CTNNA3: variants seen among roughly 807,000 people sequenced by gnomAD.
CTNNA3 encodes the protein catenin alpha 3, also known as catenin alpha-3.
A neutral mutation model predicts 95.7 loss-of-function variants in CTNNA3; 76 were observed. The observed-to-expected ratio is 0.79, with a 90% CI of 0.66 to 0.96. CTNNA3 has a LOEUF of 0.96. Among genes scored for constraint, CTNNA3 ranks in the 40% least tolerant of loss-of-function variants. The pLI is 0.00. For missense variants in CTNNA3, 1,191 were observed against 1,089.8 expected (o/e 1.09, Z -1.31); for synonymous variants, 431 against 374.4 (o/e 1.15, Z -1.74).
chr10:66,827,446 CT>C (rs1842556296), intron 7 of CTNNA3, among the ~76,000 whole-genome samples: 1 of 152,166 alleles, frequency 6.6e-6, no homozygotes. Context: ...ACCAAACACT[CT>C]ACTTCTTCAT....
At chr10:66,711,166 A>G (rs1471286087) in intron 9 of CTNNA3, among the ~76,000 whole-genome samples, 1 of 150,848 alleles carries the variant, frequency 6.6e-6, no homozygotes, top group Non-Finnish European at 1.5e-5. Context: ...TTGTTAGAAC[A>G]TGTATTCTGC....
intron 13 of CTNNA3, among the ~76,000 whole-genome samples, chr10:66,223,604 A>T (rs1272235823): frequency 1.3e-5 from 2 of 152,232 alleles, no homozygotes; most frequent in African/African-American, 4.8e-5. Context: ...AATGGTAATA[A>T]GCACTGATAA....
chr10:66,467,138 T>C (rs1441671077), intron 11 of CTNNA3, among the ~76,000 whole-genome samples: 1 of 152,154 alleles, frequency 6.6e-6, no homozygotes, highest in African/African-American at 2.4e-5. Context: ...ATCAACTCTA[T>C]GTTCCTTTAA....
chr10:67,545,961 CT>C (rs1190975724), intron 3 of CTNNA3, among the ~76,000 whole-genome samples: 5 of 152,052 alleles, frequency 3.3e-5, no homozygotes, highest in African/African-American at 1.2e-4. Context: ...TTATTAATAT[CT>C]TTTTATGAGC....
chr10:67,646,507 A>G (rs560271006), intron 2 of CTNNA3, among the ~76,000 whole-genome samples: 71 of 152,210 alleles, frequency 4.7e-4, no homozygotes, highest in African/African-American at 1.7e-3. Context: ...CAACTTGTAC[A>G]ACATGTACAA....
In CTNNA3 at chr10:66,726,245, A is replaced by G. The variant is rs11818903; in HGVS notation, c.1281+40019T>C. Among the ~76,000 whole-genome samples, 989 of 152,188 alleles carry G rather than the reference A, an allele frequency of 6.5e-3. 10 individuals carry two copies. Among genetic ancestry groups the G allele is most frequent in the African/African-American group, 0.016 (682 of 41,558 alleles). ...GACATGGAAATTTCAGGACACAAAA[A>G]TCAGAGTGGCCAAAGAATTTCATGG... On this transcript the variant is annotated intron_variant, in intron 9 of 17. Coordinates refer to ENST00000433211, the MANE Select transcript of CTNNA3 (RefSeq NM_013266.4).
chr10:66,372,157 T>G (rs75016775), intron 12 of CTNNA3, among the ~76,000 whole-genome samples: 2 of 152,186 alleles, frequency 1.3e-5, no homozygotes, highest in Non-Finnish European at 2.9e-5. Flanking sequence ...TTCTGCCTAA[T>G]TTAGCCATTC....
At chr10:67,270,265 G>A (rs1396507533) in intron 5 of CTNNA3, among the ~76,000 whole-genome samples, 1 of 151,664 alleles carries the variant, frequency 6.6e-6, no homozygotes, top group Non-Finnish European at 1.5e-5. Context: ...TTGACATGTT[G>A]CTCTTTTAAA....
intron 7 of CTNNA3, among the ~76,000 whole-genome samples, chr10:66,814,851 C>CTTTTTT (rs71035183): frequency 8.7e-6 from 1 of 114,982 alleles, no homozygotes; most frequent in African/African-American, 3.2e-5. Context: ...AGTTAGCATT[C>CTTTTTT]TTTTTTTTTT....
At chr10:66,178,440 T>TATAC (rs1554880301) in intron 13 of CTNNA3, among the ~76,000 whole-genome samples, 5,570 of 104,522 alleles carry the variant, frequency 0.053, 316 homozygotes, top group Non-Finnish European at 0.071. Flanking sequence ...TATATATATA[T>TATAC]ATACACACAC....
At chr10:67,483,798 A>C (rs973453934) in intron 5 of CTNNA3, among the ~76,000 whole-genome samples, 3 of 151,540 alleles carry the variant, frequency 2.0e-5, no homozygotes, top group Non-Finnish European at 4.4e-5. Flanking sequence ...CAAAAAAAAA[A>C]CAAAACACTG....
chr10:67,736,976 T>C (rs558871534), intron 1 of CTNNA3, among the ~76,000 whole-genome samples: 1 of 152,116 alleles, frequency 6.6e-6, no homozygotes, highest in Admixed American at 6.5e-5. Context: ...TAATTTTTTT[T>C]TGGGGGGGAC....
At chr10:67,562,066 A>T (rs891598175) in intron 3 of CTNNA3, among the ~76,000 whole-genome samples, 6 of 152,188 alleles carry the variant, frequency 3.9e-5, no homozygotes, top group Non-Finnish European at 8.8e-5. Flanking sequence ...AGGTACAAGG[A>T]GGAATTGGTA....
chr10:67,562,536 T>C lies in CTNNA3; in HGVS notation c.293-22867A>G, dbSNP rs536216846. Among the ~76,000 whole-genome samples, 702 of 152,294 alleles carry C rather than the reference T, an allele frequency of 4.6e-3. 8 individuals carry two copies. Among genetic ancestry groups the C allele is most frequent in the African/African-American group, 0.016 (665 of 41,546 alleles). ...GACAAACCCACAGCCAATATCATAC[T>C]GAATGGGCAAACACTGGAAGCATTC... On this transcript the variant is annotated intron_variant, in intron 3 of 17. Coordinates refer to ENST00000433211, the MANE Select transcript of CTNNA3 (RefSeq NM_013266.4).
chr10:66,576,995 T>C (rs574655476), intron 10 of CTNNA3, among the ~76,000 whole-genome samples: 1 of 78,444 alleles, frequency 1.3e-5, no homozygotes, highest in South Asian at 3.3e-4. Context: ...ACAGCATCTG[T>C]TGTTTCTTAA....
intron 6 of CTNNA3, among the ~76,000 whole-genome samples, chr10:67,188,728 A>C (rs1331180572): frequency 6.6e-6 from 1 of 152,190 alleles, no homozygotes; most frequent in Non-Finnish European, 1.5e-5. Flanking sequence ...AATAGCCAAG[A>C]TATGGAATCA....
chr10:67,563,404 T>C (rs983011251), intron 3 of CTNNA3, among the ~76,000 whole-genome samples: 4 of 152,182 alleles, frequency 2.6e-5, no homozygotes, highest in Non-Finnish European at 4.4e-5. Flanking sequence ...GGATTCCCTA[T>C]TTAATAAATG....
intron 4 of CTNNA3, among the ~76,000 whole-genome samples, chr10:67,531,543 AC>A (rs1478906715): frequency 6.6e-6 from 1 of 152,222 alleles, no homozygotes; most frequent in Non-Finnish European, 1.5e-5. Context: ...CAATGCCTGT[AC>A]CCTCATTGTA....
chr10:65,940,949 C>A (rs1461445069), intron 17 of CTNNA3, among the ~76,000 whole-genome samples: 4 of 152,014 alleles, frequency 2.6e-5, no homozygotes, highest in African/African-American at 9.7e-5. Flanking sequence ...CTTGACCATG[C>A]CAAAAGTATT....
Sources: allele counts gnomAD v4.1 joint callset (sites outside exome capture counted in the v4.1 genomes callset), GRCh38; gene constraint gnomAD v4.1.1; transcripts MANE v1.5; gene names NCBI Gene and HGNC (gene_info 2026-07-23, HGNC 2026-07-21).